RANBP17: variants seen among roughly 807,000 people sequenced by gnomAD.
RANBP17 encodes the protein RAN binding protein 17.
Under a neutral mutation model 141.2 loss-of-function variants are expected in RANBP17, and 158 were observed. That is an observed-to-expected ratio of 1.12 (90% CI 0.98 to 1.28). The LOEUF (loss-of-function observed/expected upper bound fraction) is 1.28. Ranked by LOEUF, RANBP17 falls within the 50% of genes most tolerant of loss-of-function variation. The pLI, the probability that RANBP17 is intolerant of heterozygous loss-of-function variation, is 0.00. For missense variants in RANBP17, 1,438 were observed against 1,290.7 expected (o/e 1.11, Z -1.75); for synonymous variants, 430 against 450.0 (o/e 0.96, Z 0.56).
chr5:171,205,536 G>A lies in RANBP17; in HGVS notation c.2155G>A (p.Gly719Arg), dbSNP rs199577427. 108 of 1,613,598 alleles carry A rather than the reference G, an allele frequency of 6.7e-5. No individual in the cohort carries two copies. The highest frequency in any genetic ancestry group is 1.6e-4 in the Middle Eastern group (1 of 6,076). The stretch of plus-strand genomic sequence containing the variant: ...TTCCCACTGACAGCGTATGTTGATC[G>A]GGCTGGCAAGAGATCTTCGAGGGAT... ...KQEDVKRMLI[G>R]LARDLRGIAF... The change falls in exon 20 of 28, where the codon GGG becomes AGG. Residue 719 changes from glycine (G) to arginine (R), a missense_variant. Gly to Arg is a moderately radical substitution (Grantham distance 125). Transcript: ENST00000523189.
chr5:170,916,072 A>G lies in RANBP17; in HGVS notation c.835-393A>G, dbSNP rs907905286. On this transcript the variant is annotated intron_variant, in intron 8 of 27. Coordinates refer to ENST00000523189, the MANE Select transcript of RANBP17 (RefSeq NM_022897.5). ...TCTATAATGCTTTTTATATTGCATT[A>G]TAATGCATTATATTCTATATTGCAT... Among the ~76,000 whole-genome samples the G allele has an allele frequency of 1.3e-5, 2 of 151,676 alleles. 1 individual carries two copies. Among genetic ancestry groups the G allele is most frequent in the Non-Finnish European group, 2.9e-5 (2 of 67,902 alleles).
At chr5:171,149,395 A>G (rs552023879) in intron 14 of RANBP17, among the ~76,000 whole-genome samples, 1 of 152,356 alleles carries the variant, frequency 6.6e-6, no homozygotes, top group African/African-American at 2.4e-5. Context: ...CTCTCAACAC[A>G]TGACTGTTAA....
At chr5:171,090,967 G>A (rs1454879863) in intron 14 of RANBP17, among the ~76,000 whole-genome samples, 4 of 152,192 alleles carry the variant, frequency 2.6e-5, no homozygotes, top group Non-Finnish European at 5.9e-5. Context: ...CCTCTGCTAG[G>A]GCAGTGCAGA....
intron 21 of RANBP17, among the ~76,000 whole-genome samples, chr5:171,217,823 G>T (rs982285450): frequency 1.3e-5 from 2 of 151,910 alleles, no homozygotes; most frequent in African/African-American, 4.8e-5. Flanking sequence ...CATCTATTTT[G>T]TTAATTTTTT....
chr5:170,903,669 A>T (rs2879364), intron 5 of RANBP17: 186,205 of 277,584 alleles, frequency 0.67, 64,290 homozygotes, highest in South Asian at 0.9. Context: ...TTAATGAGCA[A>T]GCAGACTGTG....
rs188349232 is a variant in RANBP17 at position 171,297,811 on chromosome 5, C to T, written c.3171-951C>T. On this transcript the variant is annotated intron_variant, in intron 27 of 27. Transcript: ENST00000523189. The stretch of plus-strand genomic sequence containing the variant: ...AGGCACTGTGTTGAGTACTTACAGG[C>T]ATACAGGCATTGCCTCAAACTGACC... 2.1e-5 allele frequency among the ~76,000 whole-genome samples: 3 copies of T among 146,160 alleles called. No homozygotes were observed. In the Admixed American group the frequency reaches 2.1e-4, roughly 10 times the overall value.
intron 1 of RANBP17, among the ~76,000 whole-genome samples, chr5:170,864,788 G>A (rs1294976170): frequency 2.0e-5 from 3 of 151,854 alleles, no homozygotes; most frequent in Non-Finnish European, 1.5e-5. Flanking sequence ...TACCTGATTT[G>A]ATCTAGATGT....
intron 22 of RANBP17, among the ~76,000 whole-genome samples, chr5:171,228,365 A>G: frequency 6.6e-6 from 1 of 152,248 alleles, no homozygotes; most frequent in East Asian, 1.9e-4. Context: ...AAACAGCAAG[A>G]GACCTATAAT....
chr5:171,063,870 G>A (rs919293628), intron 14 of RANBP17, among the ~76,000 whole-genome samples: 20 of 152,352 alleles, frequency 1.3e-4, no homozygotes, highest in Admixed American at 1.0e-3. Flanking sequence ...GCAATGGCGG[G>A]CGCCCCTCCC....
rs138548539 is a variant in RANBP17 at position 171,226,486 on chromosome 5, C to T, written c.2422+4646C>T. On this transcript the variant is annotated intron_variant, in intron 22 of 27. Transcript: ENST00000523189. ...CTGTCATAAGAATTTACATCAGGAT[C>T]CTTTTAAGCAGTGTATGCTCTGGGT... 5.3e-3 allele frequency among the ~76,000 whole-genome samples: 809 copies of T among 152,268 alleles called. 13 individuals carry two copies. The highest frequency in any genetic ancestry group is 0.039 in the South Asian group (186 of 4,810).
chr5:171,005,951 T>C (rs2127583146), intron 14 of RANBP17, among the ~76,000 whole-genome samples: 1 of 152,328 alleles, frequency 6.6e-6, no homozygotes, highest in Non-Finnish European at 1.5e-5. Flanking sequence ...GAACAGACAC[T>C]TGTCAGAAGA....
At chr5:171,217,659 C>A (rs1008739949) in intron 21 of RANBP17, among the ~76,000 whole-genome samples, 2 of 152,068 alleles carry the variant, frequency 1.3e-5, no homozygotes, top group African/African-American at 4.8e-5. Flanking sequence ...AGGAGTTTAT[C>A]CATTTCTTCT....
At chr5:170,944,788 A>G (rs1774616882) in intron 12 of RANBP17, among the ~76,000 whole-genome samples, 1 of 152,230 alleles carries the variant, frequency 6.6e-6, no homozygotes, top group Non-Finnish European at 1.5e-5. Flanking sequence ...CTCATAATTA[A>G]TCACATGCTA....
intron 14 of RANBP17, among the ~76,000 whole-genome samples, chr5:171,144,340 C>G (rs1048558298): frequency 5.3e-5 from 8 of 151,664 alleles, no homozygotes; most frequent in African/African-American, 1.9e-4. Flanking sequence ...CCCTTACAGC[C>G]TGGGTGACAG....
intron 5 of RANBP17, among the ~76,000 whole-genome samples, chr5:170,905,917 A>G (rs368700468): frequency 6.6e-6 from 1 of 152,108 alleles, no homozygotes; most frequent in African/African-American, 2.4e-5. Context: ...AGACTAGTTA[A>G]TGTGAAGTTC....
At chr5:171,226,831 T>G (rs535760923) in intron 22 of RANBP17, among the ~76,000 whole-genome samples, 2 of 152,372 alleles carry the variant, frequency 1.3e-5, no homozygotes, top group African/African-American at 2.4e-5. Context: ...AATGGAAGAT[T>G]AAGATTGTAT....
At chr5:170,912,437 A>G (rs923691048) in intron 7 of RANBP17, among the ~76,000 whole-genome samples, 1 of 152,100 alleles carries the variant, frequency 6.6e-6, no homozygotes, top group Non-Finnish European at 1.5e-5. Flanking sequence ...ATTATCTCAG[A>G]AAGTTTAATT....
rs1768663014 is a variant in RANBP17 at position 171,293,938 on chromosome 5, C to T, written c.2999C>T (p.Ser1000Leu). Reference sequence around the variant, plus strand: ...TTTGAAGACTGTCGGAACCAGTGGTCAGTATCCAGGCCTCTCCTGGGGCTC... The same window carrying T: ...TTTGAAGACTGTCGGAACCAGTGGTTAGTATCCAGGCCTCTCCTGGGGCTC... Reference protein sequence around the residue: ...IVFEDCRNQWSVSRPLLGLIL... With the variant: ...IVFEDCRNQWLVSRPLLGLIL... The change falls in exon 26 of 28, where the codon TCA (serine) becomes TTA (leucine). Residue 1000 changes from serine (S) to leucine (L), a missense_variant. Physicochemically the swap from Ser to Leu is moderately radical, Grantham distance 145 (BLOSUM62 -2). Coordinates refer to ENST00000523189, the MANE Select transcript of RANBP17 (RefSeq NM_022897.5). 6.2e-7 allele frequency: 1 copy of T among 1,613,912 alleles called. No homozygotes were observed. The highest frequency in any genetic ancestry group is 2.2e-5 in the East Asian group (1 of 44,878).
At chr5:171,272,325 T>C (rs1767174839) in intron 25 of RANBP17, among the ~76,000 whole-genome samples, 1 of 152,198 alleles carries the variant, frequency 6.6e-6, no homozygotes, top group Non-Finnish European at 1.5e-5. Context: ...AACCTGTACA[T>C]GTACCCCGAA....
Sources: gnomAD v4.1 joint callset for allele counts (sites outside exome capture counted in the v4.1 genomes callset) on GRCh38, gnomAD v4.1.1 for gene constraint, MANE v1.5 for transcripts, NCBI Gene and HGNC (gene_info 2026-07-23, HGNC 2026-07-21) for gene names.